TRPV3: variants seen among roughly 807,000 people sequenced by gnomAD.
TRPV3 encodes the protein VRL-3.
A neutral mutation model predicts 87.1 loss-of-function variants in TRPV3; 88 were observed. The ratio of observed to expected loss-of-function variants is 1.01; its 90% confidence interval spans 0.85 to 1.21. The LOEUF is 1.21. TRPV3 is among the 50% of genes most tolerant of loss of function. The probability of loss-of-function intolerance (pLI) is 0.00; values close to 1 mark genes in which losing one functional copy is unlikely to be tolerated. For synonymous variants in TRPV3, 438 were observed against 423.3 expected (o/e 1.03, Z -0.43); for missense variants, 1,054 against 1,030.1 (o/e 1.02, Z -0.32).
At chr17:3,542,765 G>A in intron 5 of TRPV3, 67 bp from the exon 6 acceptor site, 2 of 1,539,150 alleles carry the variant, frequency 1.3e-6, no homozygotes, top group East Asian at 2.3e-5. Context: ...CCAGCCCAGA[G>A]GGTGTGGTTG....
intron 1 of TRPV3, among the ~76,000 whole-genome samples, chr17:3,555,777 G>C (rs553213582): frequency 8.6e-5 from 13 of 150,910 alleles, no homozygotes; most frequent in East Asian, 5.8e-4. Context: ...TGGCAGGAGT[G>C]GGGGGAGCTG....
intron 3 of TRPV3, 31 bp from the exon 4 acceptor site, chr17:3,544,696 G>A: frequency 2.0e-6 from 3 of 1,516,676 alleles, no homozygotes; most frequent in Non-Finnish European, 2.7e-6. Flanking sequence ...AACAGAGAGG[G>A]TTTTAAAGTT....
rs374938052 is a variant in TRPV3, at chr17:3,554,802, C to T, written c.49G>A (p.Ala17Thr). 41 of 1,612,672 alleles carry T rather than the reference C, an allele frequency of 2.5e-5. No individual in the cohort carries two copies. Among genetic ancestry groups the T allele is most frequent in the Non-Finnish European group, 3.1e-5 (37 of 1,179,560 alleles). The change falls in exon 2 of 18, where the codon GCT becomes ACT. Residue 17 changes from alanine (A) to threonine (T), a missense_variant. Coordinates refer to ENST00000576742, the MANE Select transcript of TRPV3 (RefSeq NM_145068.4). ...ATGGCAGGGTTCCCACTGGGGGCAG[C>T]AACTCTCTTGCCCATGAGAGGCACC... is the stretch of plus-strand genomic sequence containing the variant. ...EMVPLMGKRVAAPSGNPAILP... is the reference protein window; with the variant it reads ...EMVPLMGKRVTAPSGNPAILP...
At chr17:3,525,299 C>A (rs1220399172) in intron 12 of TRPV3, among the ~76,000 whole-genome samples, 3 of 152,178 alleles carry the variant, frequency 2.0e-5, no homozygotes, top group Non-Finnish European at 4.4e-5. Context: ...GGATTACAGG[C>A]GTGAGCCAAC....
At chr17:3,525,920 T>C (rs1424209515) in intron 12 of TRPV3, among the ~76,000 whole-genome samples, 2 of 152,148 alleles carry the variant, frequency 1.3e-5, no homozygotes, top group African/African-American at 4.8e-5. Flanking sequence ...CGGCCCACAG[T>C]TAAAATGTTT....
chr17:3,526,750 C>G (rs1350231693), intron 12 of TRPV3, 104 bp downstream of exon 12: 4 of 902,388 alleles, frequency 4.4e-6, no homozygotes, highest in Non-Finnish European at 7.1e-6. Context: ...GACTGGGACA[C>G]CGTGGCACAG....
chr17:3,533,823 T>A (rs191421607), intron 7 of TRPV3, among the ~76,000 whole-genome samples: 273 of 152,314 alleles, frequency 1.8e-3, no homozygotes, highest in Middle Eastern at 3.4e-3. Context: ...AGAGCACTTA[T>A]CATTTCATAT....
chr17:3,525,540 T>G (rs1046715227), intron 12 of TRPV3, among the ~76,000 whole-genome samples: 2 of 152,132 alleles, frequency 1.3e-5, no homozygotes, highest in Non-Finnish European at 2.9e-5. Context: ...ACAACATGAA[T>G]GTACTTCACA....
intron 15 of TRPV3, 119 bp from the exon 16 acceptor site, chr17:3,516,688 G>A (rs1418008317): frequency 1.4e-6 from 1 of 730,070 alleles, no homozygotes; most frequent in African/African-American, 1.7e-5. Flanking sequence ...TAGATCGCAA[G>A]GGTTTGGCTA....
At position 3,554,577 on chromosome 17, in the gene TRPV3, CA is replaced by C. The variant is rs1342267470; in HGVS notation, c.119+154del. On this transcript the variant is annotated intron_variant, in intron 2 of 17. Transcript: ENST00000576742. ...GAGTGTGCTGTGCTCCCCACCGCAC[CA>C]TCCCCTAGTCATACCTCGCCGGGCA... 4.3e-4 allele frequency: 266 copies of C among 618,740 alleles called. 2 individuals carry two copies. Among genetic ancestry groups the C allele is most frequent in the Non-Finnish European group, 9.2e-5 (32 of 348,964 alleles). 38.3% of individuals were successfully genotyped at this position (618,740 alleles called of 1,614,324 possible).
In TRPV3 at chr17:3,518,438, AACCTGGCCAC is replaced by A. The variant is rs918860347; in HGVS notation, c.2085+128_2085+137del. 76 of 1,049,402 alleles carry A rather than the reference AACCTGGCCAC, an allele frequency of 7.2e-5. No homozygotes were observed. The African/African-American group carries it at 1.1e-3, about 15-fold the overall frequency. 65.0% of individuals were successfully genotyped at this position (1,049,402 alleles called of 1,614,324 possible). A position where few individuals can be genotyped will look rare whatever the true frequency, so the allele number is the denominator to read the frequency against. ...AAGAACCTAGGCTAAGGCCTCCTCA[AACCTGGCCAC>A]ACACTGAGGAGCTTGTGCAGATTCT... On this transcript the variant is annotated intron_variant, in intron 15 of 17. Coordinates refer to ENST00000576742, the MANE Select transcript of TRPV3 (RefSeq NM_145068.4). The surrounding 1 kb of genome is among the most constrained non-coding windows in gnomAD (Gnocchi z 4.3).
At chr17:3,552,442 C>T (rs1374954869) in intron 2 of TRPV3, 2 of 152,194 alleles carry the variant, frequency 1.3e-5, no homozygotes, top group Non-Finnish European at 2.9e-5. Context: ...GATCCACCCG[C>T]CTCGGCCTCC....
chr17:3,514,244 A>G, intron 17 of TRPV3: 2 of 482,492 alleles, frequency 4.1e-6, no homozygotes, highest in Non-Finnish European at 7.4e-6. Context: ...ACGTTCGGCT[A>G]ATTTTTGTAT....
chr17:3,520,050 A>G (rs1033274622), intron 14 of TRPV3, among the ~76,000 whole-genome samples: 1 of 152,144 alleles, frequency 6.6e-6, no homozygotes, highest in African/African-American at 2.4e-5. Flanking sequence ...TAAATGAGAG[A>G]GTAAATAGAT....
In TRPV3 at chr17:3,545,271, A is replaced by C; in HGVS notation, c.120T>G (p.Ser40Arg). ...CTTCTATCTCCAGGAAGAAGTGTGCACTGAGGGAACACGGAGGAAGCCTGT... is the reference window on the plus strand; with the variant it reads ...CTTCTATCTCCAGGAAGAAGTGTGCCCTGAGGGAACACGGAGGAAGCCTGT... The part of the protein sequence containing the change: ...RPAEITPTKK[S>R]AHFFLEIEGF... Residue 40 changes from serine to arginine, a missense_variant and splice_region_variant, in exon 3 of 18, where the codon AGT becomes AGG. By Grantham distance (110) the Ser-to-Arg change is moderately radical. Transcript: ENST00000576742. The C allele has an allele frequency of 6.2e-7, 1 of 1,609,904 alleles. No individual in the cohort carries two copies. The highest frequency in any genetic ancestry group is 1.7e-4 in the Middle Eastern group (1 of 6,056).
rs999116526 is a variant in TRPV3, at chr17:3,536,121, G to A, written c.644-408C>T. Among the ~76,000 whole-genome samples, 3 of 152,234 alleles carry A rather than the reference G, an allele frequency of 2.0e-5. No individual in the cohort carries two copies. The South Asian group carries it at 6.2e-4, about 31-fold the overall frequency. On this transcript the variant is annotated intron_variant, in intron 6 of 17. Coordinates refer to ENST00000576742, the MANE Select transcript of TRPV3 (RefSeq NM_145068.4). ...AGCTCTCTAACCTGGGACCTCAGAA[G>A]TTTAGCGAGGCGGTGTGGGGCCAGC...
chr17:3,522,680 C>CGTG (rs1567632179), intron 13 of TRPV3, among the ~76,000 whole-genome samples: 1 of 151,266 alleles, frequency 6.6e-6, no homozygotes, highest in African/African-American at 2.4e-5. Context: ...ATTAGCTGGG[C>CGTG]ATGGTGCATG....
chr17:3,520,543 A>G (rs1385081664), intron 14 of TRPV3, among the ~76,000 whole-genome samples: 1 of 152,242 alleles, frequency 6.6e-6, no homozygotes, highest in African/African-American at 2.4e-5. Flanking sequence ...CCAGAGGTAT[A>G]TACCACATGG....
chr17:3,511,070 G>A lies in TRPV3; in HGVS notation c.*2847C>T, dbSNP rs952105086. On this transcript the variant is annotated 3_prime_UTR_variant, in exon 18 of 18. Transcript: ENST00000576742. Reference sequence around the variant, plus strand: ...CTGAACCTGGGAGACCCCATCCCTGGAAAACACCTTCCCCTGAAATTACTG... The same window carrying A: ...CTGAACCTGGGAGACCCCATCCCTGAAAAACACCTTCCCCTGAAATTACTG... 1 of 152,236 alleles carries A rather than the reference G, an allele frequency of 6.6e-6. No individual in the cohort carries two copies. Among genetic ancestry groups the A allele is most frequent in the Non-Finnish European group, 1.5e-5 (1 of 68,060 alleles). 9.4% of individuals were successfully genotyped at this position (152,236 alleles called of 1,614,324 possible). A position where few individuals can be genotyped will look rare whatever the true frequency, so the allele number is the denominator to read the frequency against.
Sources: gnomAD v4.1 joint callset for allele counts (sites outside exome capture counted in the v4.1 genomes callset) on GRCh38, gnomAD v4.1.1 for gene constraint, Gnocchi (gnomAD v3.1) non-coding constraint, MANE v1.5 for transcripts, NCBI Gene and HGNC (gene_info 2026-07-23, HGNC 2026-07-21) for gene names.